SLC7A14: variants seen among roughly 807,000 people sequenced by gnomAD.
The protein encoded by SLC7A14 is solute carrier family 7 member 14.
Under a neutral mutation model 60.2 loss-of-function variants are expected in SLC7A14, and 37 were observed. The observed-to-expected ratio is 0.61, with a 90% CI of 0.47 to 0.81. The LOEUF is 0.81. SLC7A14 is among the 30% of genes least tolerant of loss of function. The pLI is 0.00. For synonymous variants in SLC7A14, 399 were observed against 395.8 expected (o/e 1.01, Z -0.10); for missense variants, 886 against 982.7 (o/e 0.90, Z 1.32).
intron 2 of SLC7A14, among the ~76,000 whole-genome samples, chr3:170,517,630 C>A (rs1254680165): frequency 6.6e-6 from 1 of 152,082 alleles, no homozygotes; most frequent in African/African-American, 2.4e-5. Flanking sequence ...AAACTCAAAC[C>A]CAAGATGAAT....
rs145317740 is a variant in SLC7A14, at chr3:170,515,133, C to T, written c.304+11500G>A. ...TTCTAGACCAGCCTGGCCAACACGG[C>T]GTAACCCCATCTCTACTAAAAATAC... is the stretch of plus-strand genomic sequence containing the variant. On this transcript the variant is annotated intron_variant, in intron 2 of 7. Coordinates refer to ENST00000231706, the MANE Select transcript of SLC7A14 (RefSeq NM_020949.3). 3.0e-3 allele frequency among the ~76,000 whole-genome samples: 451 copies of T among 151,918 alleles called. 2 individuals are homozygous for T. The highest frequency in any genetic ancestry group is 7.7e-3 in the African/African-American group (319 of 41,412).
chr3:170,552,328 T>C (rs1306293902), intron 1 of SLC7A14, among the ~76,000 whole-genome samples: 1 of 152,192 alleles, frequency 6.6e-6, no homozygotes, highest in Admixed American at 6.5e-5. Flanking sequence ...ACCCTCACAT[T>C]GTTGGGCATT....
chr3:170,575,724 G>A (rs1715071445), intron 1 of SLC7A14, among the ~76,000 whole-genome samples: 1 of 152,132 alleles, frequency 6.6e-6, no homozygotes, highest in African/African-American at 2.4e-5. Flanking sequence ...CTGACTTTGG[G>A]CAAGTCACTC....
chr3:170,484,939 G>T (rs1054999307), intron 5 of SLC7A14, among the ~76,000 whole-genome samples: 1 of 152,148 alleles, frequency 6.6e-6, no homozygotes, highest in African/African-American at 2.4e-5. Context: ...GTGGATCATA[G>T]AAGTACTCTG....
intron 1 of SLC7A14, among the ~76,000 whole-genome samples, chr3:170,527,620 G>T (rs1436892887): frequency 6.6e-6 from 1 of 152,170 alleles, no homozygotes; most frequent in African/African-American, 2.4e-5. Context: ...CTTAAGAGGG[G>T]CCATGCCACC....
intron 2 of SLC7A14, among the ~76,000 whole-genome samples, chr3:170,513,924 T>C (rs557576808): frequency 2.0e-5 from 3 of 152,372 alleles, no homozygotes; most frequent in African/African-American, 7.2e-5. Flanking sequence ...TTCCCTTGTG[T>C]AAGAATCTGT....
intron 5 of SLC7A14, among the ~76,000 whole-genome samples, chr3:170,485,476 C>G (rs1711997345): frequency 6.6e-6 from 1 of 152,154 alleles, no homozygotes; most frequent in African/African-American, 2.4e-5. Flanking sequence ...CCACACACTT[C>G]CTGGCCTGTG....
chr3:170,561,557 T>G (rs1441988549), intron 1 of SLC7A14, among the ~76,000 whole-genome samples: 1 of 152,232 alleles, frequency 6.6e-6, no homozygotes, highest in Non-Finnish European at 1.5e-5. Context: ...CTAGAATATC[T>G]GCTCTGCTTA....
At chr3:170,492,962 A>G (rs557587834) in intron 4 of SLC7A14, among the ~76,000 whole-genome samples, 1 of 152,268 alleles carries the variant, frequency 6.6e-6, no homozygotes, top group East Asian at 1.9e-4. Context: ...GGTTCCCACA[A>G]ATGGATTCAG....
chr3:170,507,874 T>G (rs143422825), intron 2 of SLC7A14, among the ~76,000 whole-genome samples: 2,348 of 152,268 alleles, frequency 0.015, 43 homozygotes, highest in Non-Finnish European at 0.018. Context: ...CATCCCATAC[T>G]TCCCCAAAGC....
At position 170,469,858 on chromosome 3, in the gene SLC7A14, C is replaced by T. The variant is rs564987506; in HGVS notation, c.1994-2481G>A. ...ATACCATCTTTTTCTTTTCCCTTTG[C>T]CCCAAACGTCTCTCCTCTGCCACCA... On this transcript the variant is annotated intron_variant, in intron 7 of 7. Transcript: ENST00000231706. 4.0e-4 allele frequency among the ~76,000 whole-genome samples: 61 copies of T among 152,166 alleles called. 1 individual carries two copies. Among genetic ancestry groups the T allele is most frequent in the African/African-American group, 1.4e-3 (59 of 41,508 alleles).
chr3:170,509,790 C>G (rs899207721), intron 2 of SLC7A14, among the ~76,000 whole-genome samples: 3 of 144,506 alleles, frequency 2.1e-5, no homozygotes, highest in Admixed American at 7.0e-5. Flanking sequence ...ACGAAAAATA[C>G]AAAATTAGCC....
intron 4 of SLC7A14, 118 bp downstream of exon 4, chr3:170,498,549 A>T: frequency 1.2e-6 from 1 of 815,588 alleles, no homozygotes; most frequent in Non-Finnish European, 1.9e-6. Context: ...GGTGATAAAG[A>T]GGGTGCTGTG....
chr3:170,524,355 A>G (rs1713429009), intron 2 of SLC7A14, among the ~76,000 whole-genome samples: 1 of 152,258 alleles, frequency 6.6e-6, no homozygotes, highest in African/African-American at 2.4e-5. Flanking sequence ...CAGGCTCTCC[A>G]TGTGAGCAGT....
chr3:170,517,140 G>T (rs1320131568), intron 2 of SLC7A14, among the ~76,000 whole-genome samples: 3 of 152,132 alleles, frequency 2.0e-5, no homozygotes, highest in Non-Finnish European at 4.4e-5. Flanking sequence ...CACAGTATTT[G>T]CCTAATAACA....
chr3:170,521,955 G>T (rs370438654), intron 2 of SLC7A14, among the ~76,000 whole-genome samples: 1 of 151,774 alleles, frequency 6.6e-6, no homozygotes, highest in Admixed American at 6.6e-5. Context: ...GTGGGCAAAA[G>T]ATTTAAATAG....
intron 7 of SLC7A14, among the ~76,000 whole-genome samples, chr3:170,473,944 A>G (rs1323213835): frequency 6.6e-6 from 1 of 152,354 alleles, no homozygotes; most frequent in Admixed American, 6.5e-5. Context: ...GTTAAAGAAT[A>G]TGAAAAAACC....
At chr3:170,517,724 C>T (rs1255279685) in intron 2 of SLC7A14, among the ~76,000 whole-genome samples, 1 of 152,220 alleles carries the variant, frequency 6.6e-6, no homozygotes, top group African/African-American at 2.4e-5. Flanking sequence ...ATCTGCTCAA[C>T]AGAGCTCTGC....
rs185892445 is a variant in SLC7A14 at position 170,540,639 on chromosome 3, A to G, written c.-152-13551T>C. Among the ~76,000 whole-genome samples, 24 of 152,308 alleles carry G rather than the reference A, an allele frequency of 1.6e-4. No homozygotes were observed. In the East Asian group the frequency reaches 4.3e-3, roughly 27 times the overall value. On this transcript the variant is annotated intron_variant, in intron 1 of 7. Coordinates refer to ENST00000231706, the MANE Select transcript of SLC7A14 (RefSeq NM_020949.3). ...AGGGTACATTTTGGATCCATGGTCC[A>G]GAGAATTCTTCTCTGAGGCAGGTTC...
Sources: allele counts gnomAD v4.1 joint callset (sites outside exome capture counted in the v4.1 genomes callset), GRCh38; gene constraint gnomAD v4.1.1; transcripts MANE v1.5; gene names NCBI Gene and HGNC (gene_info 2026-07-23, HGNC 2026-07-21).